BPI: variants seen among roughly 807,000 people sequenced by gnomAD.
BPI encodes the protein bactericidal permeability increasing protein.
Under a neutral mutation model 57.6 loss-of-function variants are expected in BPI, and 48 were observed. The ratio of observed to expected loss-of-function variants is 0.83; its 90% CI spans 0.66 to 1.06. The LOEUF (loss-of-function observed/expected upper bound fraction) is 1.06. Among genes scored for constraint, BPI ranks in the 50% least tolerant of loss-of-function variants. The pLI is 0.00. For missense variants in BPI, 651 were observed against 609.7 expected (o/e 1.07, Z -0.71); for synonymous variants, 237 against 238.2 (o/e 0.99, Z 0.05).
At chr20:38,331,919 G>A (rs1038195402) in intron 12 of BPI, among the ~76,000 whole-genome samples, 5 of 152,206 alleles carry the variant, frequency 3.3e-5, no homozygotes, top group Non-Finnish European at 5.9e-5. Context: ...GGGGATGGGC[G>A]GAAAGTGATG....
At chr20:38,318,873 G>A (rs6123584) in intron 6 of BPI, among the ~76,000 whole-genome samples, 30,835 of 151,990 alleles carry the variant, frequency 0.2, 4,586 homozygotes, top group East Asian at 0.58. Context: ...AAGAACTGTG[G>A]CAGGCACTCA....
At chr20:38,328,418 C>T (rs2076724712) in intron 11 of BPI, among the ~76,000 whole-genome samples, 1 of 151,988 alleles carries the variant, frequency 6.6e-6, no homozygotes, top group Admixed American at 6.5e-5. Context: ...TGGGCATGGT[C>T]AGGTGCCTGT....
chr20:38,335,708 T>G (rs1568821214), intron 14 of BPI, 34 bp downstream of exon 14: 11 of 1,596,960 alleles, frequency 6.9e-6, no homozygotes, highest in Non-Finnish European at 9.4e-6. Context: ...AAATCTCCCC[T>G]AACGATAGTG....
intron 12 of BPI, 93 bp downstream of exon 12, chr20:38,331,183 T>C (rs2076740875): frequency 7.0e-7 from 1 of 1,419,712 alleles, no homozygotes; most frequent in Non-Finnish European, 9.9e-7. Context: ...TTTAAGAGGC[T>C]ACTGGCTCAT....
At chr20:38,314,982 T>G (rs1220922049) in intron 5 of BPI, among the ~76,000 whole-genome samples, 1 of 145,206 alleles carries the variant, frequency 6.9e-6, no homozygotes, top group Non-Finnish European at 1.5e-5. Context: ...CTGGGAAGTT[T>G]CAATGGTGAT....
At position 38,324,025 on chromosome 20, in the gene BPI, G is replaced by A. The variant is rs745989975; in HGVS notation, c.912G>A (p.Lys304=). 3 of 1,614,046 alleles carry A rather than the reference G, an allele frequency of 1.9e-6. No homozygotes were observed. Among genetic ancestry groups the A allele is most frequent in the Admixed American group, 3.3e-5 (2 of 60,020 alleles). ...GLVYQEAGVL[K]MTLRDDMIPK... is the part of the protein sequence containing the mutation. ...TATACCAAGAGGCTGGGGTCTTGAAGATGACCCTTAGAGATGACATGGTAA... is the reference window on the plus strand; with the variant it reads ...TATACCAAGAGGCTGGGGTCTTGAAAATGACCCTTAGAGATGACATGGTAA... The change falls in exon 8 of 15, where the codon AAG becomes AAA. Residue 304 remains lysine (K), a synonymous_variant. Transcript: ENST00000642449.
In BPI at chr20:38,311,877, G is replaced by T; in HGVS notation, c.540G>T (p.Trp180Cys). The change falls in exon 5 of 15, where the codon TGG becomes TGT. Residue 180 changes from tryptophan to cysteine, a missense_variant. Physicochemically the swap from Trp to Cys is radical, Grantham distance 215 (BLOSUM62 -2). Transcript: ENST00000642449. The part of the protein sequence containing the change: ...HVHISKSKVG[W>C]LIQLFHKKIE... ...GTCCCTACTTGTTCATCTCTAGGTGGCTGATCCAACTCTTCCACAAAAAAA... is the reference window on the plus strand; with the variant it reads ...GTCCCTACTTGTTCATCTCTAGGTGTCTGATCCAACTCTTCCACAAAAAAA... 6.2e-7 allele frequency: 1 copy of T among 1,613,934 alleles called. No individual in the cohort carries two copies. Among genetic ancestry groups the T allele is most frequent in the South Asian group, 1.1e-5 (1 of 91,052 alleles).
chr20:38,307,529 C>A, intron 1 of BPI, 38 bp from the exon 2 acceptor site: 3 of 1,502,394 alleles, frequency 2.0e-6, no homozygotes, highest in Non-Finnish European at 2.7e-6. Flanking sequence ...CTGCTCCAGG[C>A]TGTGCCTCTC....
intron 2 of BPI, 91 bp from the exon 3 acceptor site, chr20:38,308,839 G>A (rs1417461404): frequency 2.0e-6 from 3 of 1,507,970 alleles, no homozygotes; most frequent in Middle Eastern, 1.8e-4. Context: ...CAGGTGGTGG[G>A]GGACGAGTCT....
rs5743512 is a variant in BPI at position 38,323,858 on chromosome 20, C to G, written c.757-12C>G. On this transcript the variant is annotated splice_polypyrimidine_tract_variant and intron_variant, in intron 7 of 14. Coordinates refer to ENST00000642449, the MANE Select transcript of BPI (RefSeq NM_001725.3). ...AGAATATCTGGGCTCACTCTGTTGC[C>G]TCTACCCCCAGGGGGAGTTTTACAG... 1.9e-6 allele frequency: 3 copies of G among 1,612,886 alleles called. No individual in the cohort carries two copies. The African/African-American group carries it at 4.0e-5, about 22-fold the overall frequency.
chr20:38,337,200 CG>C lies in BPI; in HGVS notation c.*21del. On this transcript the variant is annotated 3_prime_UTR_variant, in exon 15 of 15. Coordinates refer to ENST00000642449, the MANE Select transcript of BPI (RefSeq NM_001725.3). Reference sequence around the variant, plus strand: ...CTATAAATGAAGGCACCAGGGGTGCCGGGGGCTGTCAGCCACACCTGTTCCT... The same window carrying C: ...CTATAAATGAAGGCACCAGGGGTGCCGGGGCTGTCAGCCACACCTGTTCCT... The C allele has an allele frequency of 1.3e-6, 2 of 1,580,488 alleles. No homozygotes were observed. Among genetic ancestry groups the C allele is most frequent in the Admixed American group, 1.9e-5 (1 of 53,188 alleles).
chr20:38,311,199 G>A (rs564504199), intron 4 of BPI, among the ~76,000 whole-genome samples: 11 of 152,310 alleles, frequency 7.2e-5, no homozygotes, highest in South Asian at 4.2e-4. Flanking sequence ...TGGAGAGATA[G>A]GCAATAACTT....
intron 10 of BPI, 71 bp downstream of exon 10, chr20:38,326,503 A>G (rs1016806523): frequency 6.8e-7 from 1 of 1,466,248 alleles, no homozygotes; most frequent in Admixed American, 2.4e-5. Context: ...TGGAGTCAGG[A>G]GACCATGTGA....
chr20:38,315,257 C>T (rs933023597), intron 5 of BPI, among the ~76,000 whole-genome samples: 5 of 152,000 alleles, frequency 3.3e-5, no homozygotes, highest in South Asian at 2.1e-4. Flanking sequence ...AGATGAGCCT[C>T]TCTCTTAACC....
rs1458428673 is a variant in BPI, at chr20:38,308,959, G to T, written c.275G>T (p.Ser92Ile). ...SMDIREFQLP[S>I]SQISMVPNVG... The stretch of plus-strand genomic sequence containing the variant: ...GACATCCGTGAATTCCAGCTTCCCA[G>T]TTCCCAGATAAGCATGGTGCCCAAT... Residue 92 changes from serine to isoleucine, a missense_variant, in exon 3 of 15, where the codon AGT becomes ATT. Transcript: ENST00000642449. 2.5e-6 allele frequency: 4 copies of T among 1,614,058 alleles called. No homozygotes were observed. In the African/African-American group the frequency reaches 5.3e-5, roughly 22 times the overall value.
chr20:38,312,064 A>G, intron 5 of BPI, 127 bp downstream of exon 5: 1 of 897,880 alleles, frequency 1.1e-6, no homozygotes, highest in East Asian at 2.6e-5. Flanking sequence ...GCCCTTTGAA[A>G]CCACAACCCC....
At chr20:38,314,143 T>TGATGGTAATGGTG (rs2076636963) in intron 5 of BPI, among the ~76,000 whole-genome samples, 1 of 56,902 alleles carries the variant, frequency 1.8e-5, no homozygotes, top group Non-Finnish European at 4.2e-5. Flanking sequence ...ATGATGGTGG[T>TGATGGTAATGGTG]GGTGAGATTG....
At chr20:38,309,396 G>A (rs1037425674) in intron 3 of BPI, among the ~76,000 whole-genome samples, 5 of 152,096 alleles carry the variant, frequency 3.3e-5, no homozygotes, top group Admixed American at 2.0e-4. Flanking sequence ...AACAACAATC[G>A]GCTGTCATCA....
chr20:38,332,815 G>C (rs980097413), intron 12 of BPI, among the ~76,000 whole-genome samples: 6 of 152,234 alleles, frequency 3.9e-5, no homozygotes, highest in Admixed American at 3.3e-4. Context: ...CATTGATGAC[G>C]AGTTGCCCCT....
Sources: gnomAD v4.1 joint callset for allele counts (sites outside exome capture counted in the v4.1 genomes callset) on GRCh38, gnomAD v4.1.1 for gene constraint, MANE v1.5 for transcripts, NCBI Gene and HGNC (gene_info 2026-07-23, HGNC 2026-07-21) for gene names.